DPYSL5: variants seen among roughly 807,000 people sequenced by gnomAD.
The protein encoded by DPYSL5 is dihydropyrimidinase like 5.
A neutral mutation model predicts 58.4 loss-of-function variants in DPYSL5; 9 were observed. The observed-to-expected ratio is 0.15, with a 90% CI of 0.09 to 0.27. The LOEUF (loss-of-function observed/expected upper bound fraction) is 0.27, where lower values mean the gene tolerates loss of function less well. Ranked by LOEUF, DPYSL5 falls within the 10% of genes least tolerant of loss-of-function variation. The pLI is 1.00. For synonymous variants in DPYSL5, 293 were observed against 301.9 expected (o/e 0.97, Z 0.31); for missense variants, 499 against 770.6 (o/e 0.65, Z 4.17).
At chr2:26,875,476 AG>A (rs1157049359) in intron 1 of DPYSL5, among the ~76,000 whole-genome samples, 2 of 152,226 alleles carry the variant, frequency 1.3e-5, no homozygotes, top group African/African-American at 4.8e-5. Flanking sequence ...ACCACAAAGA[AG>A]GGTGTGTCAG....
At chr2:26,915,379 G>T (rs917615666) in intron 2 of DPYSL5, among the ~76,000 whole-genome samples, 1 of 152,162 alleles carries the variant, frequency 6.6e-6, no homozygotes. Context: ...TGCCTCCATG[G>T]ACCATCGGAG....
intron 1 of DPYSL5, among the ~76,000 whole-genome samples, chr2:26,890,769 C>G (rs1663857621): frequency 6.6e-6 from 1 of 152,194 alleles, no homozygotes; most frequent in Non-Finnish European, 1.5e-5. Context: ...GATCAGGGTG[C>G]AGGCGGGTCG....
At chr2:26,860,207 T>C (rs541465708) in intron 1 of DPYSL5, among the ~76,000 whole-genome samples, 4 of 152,186 alleles carry the variant, frequency 2.6e-5, no homozygotes, top group Non-Finnish European at 4.4e-5. Context: ...TTAGGTGCTT[T>C]GTGACATATA....
intron 1 of DPYSL5, among the ~76,000 whole-genome samples, chr2:26,897,508 C>G (rs1267510621): frequency 6.6e-6 from 1 of 152,168 alleles, no homozygotes; most frequent in Non-Finnish European, 1.5e-5. Flanking sequence ...TTTGAATAAA[C>G]CCCATTTGTG....
chr2:26,911,380 CATAG>C (rs767978106), intron 2 of DPYSL5, among the ~76,000 whole-genome samples: 1 of 151,800 alleles, frequency 6.6e-6, no homozygotes, highest in Non-Finnish European at 1.5e-5. Context: ...AAATCAAAAA[CATAG>C]AGAAACGAAT....
chr2:26,934,654 C>T lies in DPYSL5; in HGVS notation c.867C>T (p.Ser289=), dbSNP rs1438555987. 4 of 1,614,146 alleles carry T rather than the reference C, an allele frequency of 2.5e-6. No homozygotes were observed. Among genetic ancestry groups the T allele is most frequent in the Non-Finnish European group, 3.4e-6 (4 of 1,180,048 alleles). ...TACACTACTACCACCAGGACTGGTC[C>T]CACGCGGCTGCCTATGTCACGGTGC... ...TGLHYYHQDW[S]HAAAYVTVPP... is the part of the protein sequence containing the mutation. Residue 289 remains serine, a synonymous_variant, in exon 8 of 13, where the codon TCC becomes TCT. Transcript: ENST00000288699. This position sits in a 1 kb window ranked among gnomAD's most constrained non-coding sequence, Gnocchi z 4.3.
Position 26,944,508 on chromosome 2 carries a change from TAAG to T in DPYSL5, c.1441-144_1441-142del, listed in dbSNP as rs943905671. On this transcript the variant is annotated intron_variant, in intron 11 of 12. Transcript: ENST00000288699. The surrounding 1 kb of genome is among the most constrained non-coding windows in gnomAD (Gnocchi z 4.4). ...AACTCCAGCCCCTGGACTCAATGTT[TAAG>T]AAGCCTTGGTCACTTGCAGTGATTT... The T allele has an allele frequency of 6.9e-6, 6 of 864,724 alleles. No homozygotes were observed. The highest frequency in any genetic ancestry group is 3.4e-5 in the African/African-American group (2 of 58,796). The allele number at this position is 864,724 out of a possible 1,614,324, so 53.6% of individuals were successfully genotyped here.
rs1229185042 is a variant in DPYSL5 at position 26,927,128 on chromosome 2, G to T, written c.421-125G>T. 33 of 961,710 alleles carry T rather than the reference G, an allele frequency of 3.4e-5. No individual in the cohort carries two copies. The highest frequency in any genetic ancestry group is 5.3e-5 in the East Asian group (2 of 37,396). The allele number at this position is 961,710 out of a possible 1,614,324, so 59.6% of individuals were successfully genotyped here. A position where few individuals can be genotyped will look rare whatever the true frequency, so the allele number is the denominator to read the frequency against. ...GGAGGAAAGTGAGATAGAGAGGTGT[G>T]GGGGGTCAACCGACAGACTGAGCTG... On this transcript the variant is annotated intron_variant, in intron 3 of 12. Transcript: ENST00000288699. The surrounding 1 kb of genome is among the most constrained non-coding windows in gnomAD (Gnocchi z 4.3).
chr2:26,869,046 C>A (rs1416230064), intron 1 of DPYSL5, among the ~76,000 whole-genome samples: 1 of 152,138 alleles, frequency 6.6e-6, no homozygotes, highest in Admixed American at 6.5e-5. Flanking sequence ...CTCACTGCAG[C>A]CTCAACCTCC....
At chr2:26,908,846 T>C (rs1664363576) in intron 2 of DPYSL5, among the ~76,000 whole-genome samples, 1 of 152,224 alleles carries the variant, frequency 6.6e-6, no homozygotes, top group Non-Finnish European at 1.5e-5. Context: ...ATGATACATA[T>C]TGCACATGAA....
intron 12 of DPYSL5, among the ~76,000 whole-genome samples, chr2:26,945,205 C>T (rs913646327): frequency 6.6e-6 from 1 of 152,006 alleles, no homozygotes; most frequent in African/African-American, 2.4e-5. Context: ...CTTCGCCCAC[C>T]CCAGCCCACT....
At chr2:26,890,197 C>T (rs755989146) in intron 1 of DPYSL5, among the ~76,000 whole-genome samples, 44 of 152,268 alleles carry the variant, frequency 2.9e-4, no homozygotes, top group Non-Finnish European at 5.3e-4. Flanking sequence ...AGAAGTGTCC[C>T]CTTTACACTT....
chr2:26,912,112 C>T (rs962716205), intron 2 of DPYSL5, among the ~76,000 whole-genome samples: 2 of 152,196 alleles, frequency 1.3e-5, no homozygotes, highest in African/African-American at 4.8e-5. Flanking sequence ...AGACCTCAGG[C>T]CCACCCATCA....
intron 1 of DPYSL5, among the ~76,000 whole-genome samples, chr2:26,870,001 A>T: frequency 6.6e-6 from 1 of 152,374 alleles, no homozygotes; most frequent in African/African-American, 2.4e-5. Flanking sequence ...ACAGAGCAAG[A>T]CTTCGTCTCA....
chr2:26,908,415 G>T (rs1664352925), intron 2 of DPYSL5, among the ~76,000 whole-genome samples: 1 of 152,196 alleles, frequency 6.6e-6, no homozygotes, highest in Non-Finnish European at 1.5e-5. Flanking sequence ...CTATTTAAAG[G>T]TGTCCTGCTT....
intron 11 of DPYSL5, among the ~76,000 whole-genome samples, chr2:26,943,599 G>T (rs1665383188): frequency 6.6e-6 from 1 of 152,152 alleles, no homozygotes; most frequent in African/African-American, 2.4e-5. Flanking sequence ...GACCATAAAT[G>T]ACCTCTGCAG....
chr2:26,884,001 C>G (rs972575651), intron 1 of DPYSL5, among the ~76,000 whole-genome samples: 4 of 152,174 alleles, frequency 2.6e-5, no homozygotes, highest in African/African-American at 7.2e-5. Flanking sequence ...AGCATTTGGC[C>G]CTTGTTCTAG....
chr2:26,893,406 A>G (rs1663937501), intron 1 of DPYSL5, among the ~76,000 whole-genome samples: 1 of 152,232 alleles, frequency 6.6e-6, no homozygotes, highest in Non-Finnish European at 1.5e-5. Flanking sequence ...CAGCCTTCCC[A>G]GAACTTCCCT....
intron 2 of DPYSL5, among the ~76,000 whole-genome samples, chr2:26,899,682 C>T (rs560017146): frequency 1.3e-5 from 2 of 152,114 alleles, no homozygotes; most frequent in Non-Finnish European, 2.9e-5. Flanking sequence ...GAGGACAGGC[C>T]CCCTTCCCAA....
Sources: gnomAD v4.1 joint callset for allele counts (sites outside exome capture counted in the v4.1 genomes callset) on GRCh38, gnomAD v4.1.1 for gene constraint, Gnocchi (gnomAD v3.1) non-coding constraint, MANE v1.5 for transcripts, NCBI Gene and HGNC (gene_info 2026-07-23, HGNC 2026-07-21) for gene names.